CDH12: variants seen among roughly 807,000 people sequenced by gnomAD.
CDH12 encodes cadherin-12.
CDH12 carries 41 observed loss-of-function variants against 74.1 expected under a neutral mutation model. That is an observed-to-expected ratio of 0.55 (90% CI 0.43 to 0.72). The LOEUF (loss-of-function observed/expected upper bound fraction) is 0.72. Among genes scored for constraint, CDH12 ranks in the 30% least tolerant of loss-of-function variants. The pLI, the probability that CDH12 is intolerant of heterozygous loss-of-function variation, is 0.00. For missense variants in CDH12, 945 were observed against 977.2 expected (o/e 0.97, Z 0.44); for synonymous variants, 399 against 355.0 (o/e 1.12, Z -1.39).
At chr5:22,765,608 C>T (rs1191992569) in intron 1 of CDH12, among the ~76,000 whole-genome samples, 1 of 151,914 alleles carries the variant, frequency 6.6e-6, no homozygotes. Flanking sequence ...GGTGCATACA[C>T]TTGGATGTGA....
chr5:22,046,491 G>C (rs1426657627), intron 5 of CDH12, among the ~76,000 whole-genome samples: 3 of 145,714 alleles, frequency 2.1e-5, no homozygotes, highest in Non-Finnish European at 3.0e-5. Context: ...GGAGTGCAGT[G>C]GCGCGATTTG....
At chr5:21,823,876 C>T (rs921208878) in intron 8 of CDH12, among the ~76,000 whole-genome samples, 22 of 149,948 alleles carry the variant, frequency 1.5e-4, no homozygotes, top group African/African-American at 5.1e-4. Context: ...ATGATACAAA[C>T]TTTTTTTTTT....
At chr5:22,566,221 T>G (rs1739274690) in intron 1 of CDH12, among the ~76,000 whole-genome samples, 2 of 152,124 alleles carry the variant, frequency 1.3e-5, no homozygotes, top group East Asian at 1.9e-4. Context: ...TGTCCTTTTT[T>G]TTGTTGTTCT....
At chr5:21,889,573 A>G (rs1170235565) in intron 6 of CDH12, 1 of 985,200 alleles carries the variant, frequency 1.0e-6, no homozygotes, top group African/African-American at 1.7e-5. Context: ...AAAGTGAAAC[A>G]AAATATTTTA....
chr5:22,244,930 C>G (rs1198695511), intron 3 of CDH12, among the ~76,000 whole-genome samples: 2 of 151,914 alleles, frequency 1.3e-5, no homozygotes, highest in Non-Finnish European at 2.9e-5. Flanking sequence ...AAGTGAGGGA[C>G]AAACTACGCA....
intron 4 of CDH12, chr5:22,212,087 C>T (rs1248890497): frequency 6.6e-6 from 1 of 151,438 alleles, no homozygotes; most frequent in Non-Finnish European, 1.5e-5. Context: ...GAAAGCTGCA[C>T]AAAATCTCAA....
intron 6 of CDH12, among the ~76,000 whole-genome samples, chr5:21,917,959 C>T (rs1206776775): frequency 6.6e-6 from 1 of 152,012 alleles, no homozygotes; most frequent in Non-Finnish European, 1.5e-5. Flanking sequence ...TTACTGGTTC[C>T]CTCTTCTATA....
chr5:22,030,068 A>T (rs1738703762), intron 5 of CDH12, among the ~76,000 whole-genome samples: 1 of 144,826 alleles, frequency 6.9e-6, no homozygotes, highest in South Asian at 2.3e-4. Flanking sequence ...AACAATGAGA[A>T]CACATGGACA....
intron 3 of CDH12, among the ~76,000 whole-genome samples, chr5:22,358,392 G>A (rs1259081783): frequency 6.6e-6 from 1 of 151,952 alleles, no homozygotes; most frequent in Admixed American, 6.6e-5. Flanking sequence ...CAGCCTGGAA[G>A]ATAGAGCGAG....
intron 2 of CDH12, among the ~76,000 whole-genome samples, chr5:22,484,171 TA>T (rs1746496621): frequency 6.6e-6 from 1 of 152,116 alleles, no homozygotes; most frequent in Admixed American, 6.5e-5. Context: ...ATCATTTTTC[TA>T]AAAAACAGTA....
chr5:21,780,015 A>T (rs1436268090), intron 11 of CDH12, among the ~76,000 whole-genome samples: 1 of 152,090 alleles, frequency 6.6e-6, no homozygotes, highest in Non-Finnish European at 1.5e-5. Flanking sequence ...TACATTGGCC[A>T]CTGAGTAGAT....
intron 1 of CDH12, among the ~76,000 whole-genome samples, chr5:22,688,961 G>A (rs1472611978): frequency 6.6e-6 from 1 of 152,064 alleles, no homozygotes; most frequent in East Asian, 1.9e-4. Context: ...TAAATGATTG[G>A]TTTCAAAGTG....
intron 4 of CDH12, among the ~76,000 whole-genome samples, chr5:22,201,835 C>T (rs944660509): frequency 4.6e-5 from 7 of 151,960 alleles, no homozygotes; most frequent in African/African-American, 1.5e-4. Context: ...TATGGTAACG[C>T]GGCCATAAGG....
At chr5:22,745,870 G>A (rs767126555) in intron 1 of CDH12, among the ~76,000 whole-genome samples, 12 of 152,004 alleles carry the variant, frequency 7.9e-5, no homozygotes, top group Non-Finnish European at 1.2e-4. Context: ...CATGACACAT[G>A]TTTATCTATG....
intron 4 of CDH12, among the ~76,000 whole-genome samples, chr5:22,122,255 T>C (rs1431844180): frequency 6.6e-6 from 1 of 151,700 alleles, no homozygotes; most frequent in South Asian, 2.1e-4. Context: ...ATACAAAAAT[T>C]AGGTGGGCAT....
intron 4 of CDH12, among the ~76,000 whole-genome samples, chr5:22,129,300 C>G (rs1252711293): frequency 6.6e-6 from 1 of 152,132 alleles, no homozygotes; most frequent in Non-Finnish European, 1.5e-5. Context: ...GCTGAACCAA[C>G]CACATGGAAT....
intron 6 of CDH12, among the ~76,000 whole-genome samples, chr5:21,969,057 T>G (rs564376404): frequency 6.6e-6 from 1 of 151,466 alleles, no homozygotes; most frequent in African/African-American, 2.4e-5. Flanking sequence ...GATGGGTTGA[T>G]AGGTGCAGCA....
intron 1 of CDH12, among the ~76,000 whole-genome samples, chr5:22,597,424 T>G (rs1183162665): frequency 6.6e-6 from 1 of 152,180 alleles, no homozygotes; most frequent in Non-Finnish European, 1.5e-5. Context: ...TTACAGTACA[T>G]GAATGAGAAA....
At chr5:22,645,742 A>G (rs1381714734) in intron 1 of CDH12, among the ~76,000 whole-genome samples, 1 of 151,940 alleles carries the variant, frequency 6.6e-6, no homozygotes, top group Non-Finnish European at 1.5e-5. Flanking sequence ...ACAAATTGCC[A>G]CAGCCAGCTT....
Sources: allele counts gnomAD v4.1 joint callset (sites outside exome capture counted in the v4.1 genomes callset), GRCh38; gene constraint gnomAD v4.1.1; transcripts MANE v1.5; gene names NCBI Gene and HGNC (gene_info 2026-07-23, HGNC 2026-07-21).